CERS6: variants seen among roughly 807,000 people sequenced by gnomAD.
The protein encoded by CERS6 is LAG1 homolog, ceramide synthase 6.
Under a neutral mutation model 56.8 loss-of-function variants are expected in CERS6, and 26 were observed. The observed-to-expected ratio is 0.46, with a 90% confidence interval of 0.34 to 0.63. The LOEUF (loss-of-function observed/expected upper bound fraction) is 0.63. CERS6 is among the 30% of genes least tolerant of loss of function. CERS6 has a pLI of 0.01. For synonymous variants in CERS6, 164 were observed against 173.3 expected (o/e 0.95, Z 0.42); for missense variants, 415 against 467.5 (o/e 0.89, Z 1.04).
intron 1 of CERS6, among the ~76,000 whole-genome samples, chr2:168,489,915 A>T (rs752680984): frequency 6.6e-6 from 1 of 152,132 alleles, no homozygotes; most frequent in African/African-American, 2.4e-5. Context: ...GACATTGTGT[A>T]TGTTATGTGG....
chr2:168,766,254 A>T, intron 9 of CERS6: 1 of 1,472,098 alleles, frequency 6.8e-7, no homozygotes, highest in East Asian at 2.3e-5. Flanking sequence ...TAGAGCAGAG[A>T]CTTTTCCAGA....
intron 8 of CERS6, among the ~76,000 whole-genome samples, chr2:168,753,796 C>A (rs1422047889): frequency 6.6e-6 from 1 of 152,162 alleles, no homozygotes; most frequent in East Asian, 1.9e-4. Flanking sequence ...TGTAACACTT[C>A]CAGTAGAATC....
intron 3 of CERS6, among the ~76,000 whole-genome samples, chr2:168,603,710 A>G (rs1382982224): frequency 1.3e-5 from 2 of 152,224 alleles, no homozygotes; most frequent in Admixed American, 1.3e-4. Flanking sequence ...TTGTAATTAT[A>G]GCTTCCATGA....
chr2:168,763,745 T>C (rs1257137466), intron 8 of CERS6, among the ~76,000 whole-genome samples: 1 of 152,254 alleles, frequency 6.6e-6, no homozygotes, highest in African/African-American at 2.4e-5. Flanking sequence ...GCCTCTCCTG[T>C]AGAATCAGAT....
intron 6 of CERS6, among the ~76,000 whole-genome samples, chr2:168,711,879 C>T (rs1021368179): frequency 7.2e-5 from 11 of 152,170 alleles, no homozygotes; most frequent in Non-Finnish European, 1.2e-4. Context: ...CTGGTCCTGT[C>T]GATAAGACCC....
intron 3 of CERS6, among the ~76,000 whole-genome samples, chr2:168,573,559 T>A (rs1683172338): frequency 6.6e-6 from 1 of 152,234 alleles, no homozygotes. Flanking sequence ...AGTAGGATTC[T>A]GCCAGACATT....
At chr2:168,657,658 C>T (rs1685519828) in intron 4 of CERS6, among the ~76,000 whole-genome samples, 3 of 152,254 alleles carry the variant, frequency 2.0e-5, no homozygotes, top group Admixed American at 1.3e-4. Flanking sequence ...GGACTCAGTA[C>T]ACCCTCCGCA....
chr2:168,616,202 C>T (rs1206434641), intron 3 of CERS6, among the ~76,000 whole-genome samples: 2 of 152,142 alleles, frequency 1.3e-5, no homozygotes, highest in Non-Finnish European at 2.9e-5. Context: ...GCCAGCACTT[C>T]AGGAACTGCT....
intron 4 of CERS6, among the ~76,000 whole-genome samples, chr2:168,643,758 A>G (rs1027454936): frequency 5.3e-5 from 8 of 151,832 alleles, no homozygotes; most frequent in African/African-American, 1.7e-4. Context: ...TCTAATCTCT[A>G]CTTCTGTCAT....
chr2:168,477,306 G>A (rs1043737957), intron 1 of CERS6, among the ~76,000 whole-genome samples: 2 of 151,930 alleles, frequency 1.3e-5, no homozygotes, highest in African/African-American at 2.4e-5. Flanking sequence ...ATCACACTGG[G>A]GTTGTAGGCC....
At chr2:168,468,443 T>C (rs1693921339) in intron 1 of CERS6, among the ~76,000 whole-genome samples, 2 of 152,234 alleles carry the variant, frequency 1.3e-5, no homozygotes, top group South Asian at 4.1e-4. Context: ...TGCCACTTGC[T>C]AGCTACTGGT....
At chr2:168,584,564 T>A (rs1055850529) in intron 3 of CERS6, among the ~76,000 whole-genome samples, 3 of 152,244 alleles carry the variant, frequency 2.0e-5, no homozygotes, top group Non-Finnish European at 4.4e-5. Flanking sequence ...ACAATTTCCC[T>A]GTTTCACTGT....
chr2:168,473,772 A>C (rs1694020135), intron 1 of CERS6, among the ~76,000 whole-genome samples: 1 of 152,188 alleles, frequency 6.6e-6, no homozygotes. Flanking sequence ...CTCCATTTTC[A>C]CTGTTTCTTC....
intron 1 of CERS6, among the ~76,000 whole-genome samples, chr2:168,474,782 G>T (rs890142280): frequency 2.0e-5 from 3 of 152,232 alleles, no homozygotes; most frequent in South Asian, 4.1e-4. Context: ...CATTGCCTTA[G>T]GGTTACTTAG....
intron 1 of CERS6, among the ~76,000 whole-genome samples, chr2:168,493,357 C>T (rs1694407524): frequency 1.3e-5 from 2 of 152,050 alleles, no homozygotes; most frequent in African/African-American, 2.4e-5. Context: ...ATTCTTCTGC[C>T]TCCTGTCTAC....
At chr2:168,488,642 T>C (rs1694315742) in intron 1 of CERS6, among the ~76,000 whole-genome samples, 1 of 152,144 alleles carries the variant, frequency 6.6e-6, no homozygotes, top group African/African-American at 2.4e-5. Flanking sequence ...CCTTTTTCTG[T>C]CTTTTGGGTT....
At chr2:168,707,664 A>T (rs561735407) in intron 6 of CERS6, among the ~76,000 whole-genome samples, 157 of 152,318 alleles carry the variant, frequency 1.0e-3, no homozygotes, top group African/African-American at 3.5e-3. Flanking sequence ...GATTGTACAT[A>T]CATTATGTGA....
intron 8 of CERS6, among the ~76,000 whole-genome samples, chr2:168,735,307 T>C (rs1683677294): frequency 6.6e-6 from 1 of 152,102 alleles, no homozygotes; most frequent in Non-Finnish European, 1.5e-5. Flanking sequence ...AAAAAAAAGT[T>C]AATAAGCAAC....
At chr2:168,549,012 CA>C (rs1292949069) in intron 2 of CERS6, among the ~76,000 whole-genome samples, 1 of 152,058 alleles carries the variant, frequency 6.6e-6, no homozygotes, top group East Asian at 1.9e-4. Flanking sequence ...TTTAGTGTAT[CA>C]AATTACTTAA....
Sources: gnomAD v4.1 joint callset for allele counts (sites outside exome capture counted in the v4.1 genomes callset) on GRCh38, gnomAD v4.1.1 for gene constraint, MANE v1.5 for transcripts, NCBI Gene and HGNC (gene_info 2026-07-23, HGNC 2026-07-21) for gene names.